Variants in CSNK2A2IP observed in about 807,000 individuals in gnomAD.
CSNK2A2IP encodes the protein casein kinase II subunit alpha'-interacting protein.
chr3:88,404,529 T>C, the CSNK2A2IP span, among the ~76,000 whole-genome samples: 8 of 152,146 alleles, frequency 5.3e-5, no homozygotes, highest in African/African-American at 1.9e-4. Flanking sequence ...TTAATCTGTT[T>C]AACACCTCAG....
At chr3:88,418,728 T>C in the CSNK2A2IP span, among the ~76,000 whole-genome samples, 1 of 152,198 alleles carries the variant, frequency 6.6e-6, no homozygotes, top group African/African-American at 2.4e-5. Context: ...TTGTGGGTTT[T>C]GGTGTATAGA....
At chr3:88,419,941 C>T in the CSNK2A2IP span, among the ~76,000 whole-genome samples, 5 of 152,156 alleles carry the variant, frequency 3.3e-5, no homozygotes, top group Non-Finnish European at 4.4e-5. Flanking sequence ...AAGGGAGTTA[C>T]GAAGAATCAG....
the CSNK2A2IP span, among the ~76,000 whole-genome samples, chr3:88,390,265 C>T: frequency 6.6e-6 from 1 of 152,082 alleles, no homozygotes; most frequent in African/African-American, 2.4e-5. Context: ...TTACAGAAAA[C>T]CGTCCATGTA....
chr3:88,404,747 A>G, the CSNK2A2IP span, among the ~76,000 whole-genome samples: 1 of 138,772 alleles, frequency 7.2e-6, no homozygotes, highest in African/African-American at 2.5e-5. Flanking sequence ...CTTTTGTTCT[A>G]TTTCTTCCTT....
the CSNK2A2IP span, among the ~76,000 whole-genome samples, chr3:88,367,860 A>G: frequency 2.0e-5 from 3 of 152,116 alleles, no homozygotes; most frequent in Admixed American, 2.0e-4. Context: ...TCTTTTGAGT[A>G]ATGGTTAAGG....
At chr3:88,415,610 G>A in the CSNK2A2IP span, among the ~76,000 whole-genome samples, 1 of 151,684 alleles carries the variant, frequency 6.6e-6, no homozygotes, top group South Asian at 2.1e-4. Context: ...GAGGGGGCGG[G>A]AAAGAGAGAG....
the CSNK2A2IP span, among the ~76,000 whole-genome samples, chr3:88,417,103 A>ATT: frequency 1.5e-4 from 22 of 149,704 alleles, no homozygotes; most frequent in Admixed American, 1.1e-3. Flanking sequence ...GATAACATGA[A>ATT]TTTTTTTTTT....
At chr3:88,349,775 A>G in the CSNK2A2IP span, among the ~76,000 whole-genome samples, 1 of 152,012 alleles carries the variant, frequency 6.6e-6, no homozygotes, top group Non-Finnish European at 1.5e-5. Flanking sequence ...TTCCCTTTTC[A>G]CCACATCCAT....
At chr3:88,365,498 A>G in the CSNK2A2IP span, among the ~76,000 whole-genome samples, 1 of 152,162 alleles carries the variant, frequency 6.6e-6, no homozygotes, top group African/African-American at 2.4e-5. Context: ...GGGTAAGGAA[A>G]CATTCCCAGG....
At chr3:88,422,720 G>A in the CSNK2A2IP span, among the ~76,000 whole-genome samples, 1 of 152,172 alleles carries the variant, frequency 6.6e-6, no homozygotes, top group Non-Finnish European at 1.5e-5. Flanking sequence ...AAGAGTTTGA[G>A]TAAATTACTA....
the CSNK2A2IP span, among the ~76,000 whole-genome samples, chr3:88,378,054 A>G: frequency 6.6e-6 from 1 of 151,952 alleles, no homozygotes; most frequent in African/African-American, 2.4e-5. Flanking sequence ...TTAAAATCAT[A>G]TTGCATACCA....
chr3:88,412,929 G>C, the CSNK2A2IP span, among the ~76,000 whole-genome samples: 2 of 151,964 alleles, frequency 1.3e-5, no homozygotes, highest in African/African-American at 4.8e-5. Context: ...TATGCAGCAC[G>C]TGGCTATATA....
At chr3:88,358,654 A>T in the CSNK2A2IP span, among the ~76,000 whole-genome samples, 1 of 152,206 alleles carries the variant, frequency 6.6e-6, no homozygotes, top group Admixed American at 6.5e-5. Context: ...TGATTTGTGC[A>T]TGTTGAACCA....
the CSNK2A2IP span, among the ~76,000 whole-genome samples, chr3:88,432,817 A>G: frequency 2.6e-5 from 4 of 150,988 alleles, no homozygotes; most frequent in Non-Finnish European, 3.0e-5. Flanking sequence ...ATATTATAAT[A>G]TAAATCCTGT....
the CSNK2A2IP span, among the ~76,000 whole-genome samples, chr3:88,442,277 T>C: frequency 6.6e-6 from 1 of 152,292 alleles, no homozygotes; most frequent in Admixed American, 6.5e-5. Context: ...TGGCCTCAAG[T>C]GATGCTCCTG....
the CSNK2A2IP span, among the ~76,000 whole-genome samples, chr3:88,454,322 C>T: frequency 3.2e-3 from 436 of 137,922 alleles, 2 homozygotes; most frequent in African/African-American, 0.01. Flanking sequence ...ATGATTGATA[C>T]AAGTCTTTAT....
chr3:88,359,334 G>T, the CSNK2A2IP span, among the ~76,000 whole-genome samples: 120 of 137,846 alleles, frequency 8.7e-4, no homozygotes, highest in African/African-American at 2.8e-3. Context: ...AAAATTCATT[G>T]GTTTATCTTT....
chr3:88,428,065 C>T, the CSNK2A2IP span, among the ~76,000 whole-genome samples: 1 of 152,152 alleles, frequency 6.6e-6, no homozygotes, highest in Admixed American at 6.5e-5. Context: ...GGTAGAGCTG[C>T]ACAAGACTGT....
chr3:88,341,043 C>A, the CSNK2A2IP span, among the ~76,000 whole-genome samples: 1 of 151,870 alleles, frequency 6.6e-6, no homozygotes, highest in South Asian at 2.1e-4. Context: ...ATTTTTTCCA[C>A]GTTTCAAATT....
Sources: allele counts gnomAD v4.1 joint callset (sites outside exome capture counted in the v4.1 genomes callset), GRCh38; gene constraint gnomAD v4.1.1; transcripts MANE v1.5; gene names NCBI Gene and HGNC (gene_info 2026-07-23, HGNC 2026-07-21).